DMD: variants seen among roughly 807,000 people sequenced by gnomAD.
DMD encodes dystrophin.
A neutral mutation model predicts 330.1 loss-of-function variants in DMD; 63 were observed. The ratio of observed to expected loss-of-function variants is 0.19; its 90% CI spans 0.16 to 0.24. The LOEUF (loss-of-function observed/expected upper bound fraction) is 0.24, where lower values mean the gene tolerates loss of function less well. Ranked by LOEUF, DMD falls within the 10% of genes least tolerant of loss-of-function variation. The pLI is 1.00. For missense variants in DMD, 3,344 were observed against 2,684.1 expected (o/e 1.25, Z -5.43); for synonymous variants, 1,223 against 959.8 (o/e 1.27, Z -5.07).
rs756053245 is a variant in DMD, at chrX:33,201,888, T to C, written c.31+9394A>G. Among the ~76,000 whole-genome samples the C allele has an allele frequency of 4.4e-5, 5 of 112,396 alleles. No individual in the cohort carries two copies. The South Asian group carries it at 1.8e-3, about 41-fold the overall frequency. ...AGACCACTCTAAGGATGGCTAACTG[T>C]AGATGATTACAAACAAACCAGGGCT... On this transcript the variant is annotated intron_variant, in intron 1 of 78. Transcript: ENST00000357033.
chrX:31,494,155 CA>C (rs753929470), intron 57 of DMD, among the ~76,000 whole-genome samples: 2,524 of 49,788 alleles, frequency 0.051, 25 homozygotes, highest in African/African-American at 0.06. Context: ...GACCCAGTCT[CA>C]AAAAAAAAAA....
intron 43 of DMD, among the ~76,000 whole-genome samples, chrX:32,246,358 G>T (rs936347174): frequency 9.9e-6 from 1 of 100,666 alleles, no homozygotes; most frequent in Admixed American, 1.1e-4. Context: ...TGCTGGATTC[G>T]GTATGCCAGT....
chrX:31,830,147 G>GA (rs1275440848), intron 49 of DMD, among the ~76,000 whole-genome samples: 1 of 112,743 alleles, frequency 8.9e-6, no homozygotes, highest in Admixed American at 9.4e-5. Flanking sequence ...GGGAGGCAAA[G>GA]AAAGTTGATA....
At chrX:31,790,788 G>T (rs760869752) in intron 50 of DMD, among the ~76,000 whole-genome samples, 149 of 111,158 alleles carry the variant, frequency 1.3e-3, no homozygotes, top group African/African-American at 4.8e-3. Context: ...TTTTAACAGT[G>T]CCTGGTTTAC....
intron 16 of DMD, among the ~76,000 whole-genome samples, chrX:32,555,162 C>A (rs1357105283): frequency 1.8e-5 from 2 of 111,154 alleles, no homozygotes; most frequent in Non-Finnish European, 3.8e-5. Context: ...CAAATCAATA[C>A]ATGTGATTCA....
At chrX:31,943,886 A>T (rs1309690456) in intron 45 of DMD, among the ~76,000 whole-genome samples, 2 of 55,435 alleles carry the variant, frequency 3.6e-5, no homozygotes, top group Non-Finnish European at 6.6e-5. Context: ...AGTGAGAGAG[A>T]GAGAGAGAGA....
At position 32,922,946 on chromosome X, in the gene DMD, A is replaced by G. The variant is rs979169512; in HGVS notation, c.94-73126T>C. Among the ~76,000 whole-genome samples, 31 of 112,554 alleles carry G rather than the reference A, an allele frequency of 2.8e-4. 1 individual carries two copies. Among genetic ancestry groups the G allele is most frequent in the Non-Finnish European group, 5.2e-4 (28 of 53,336 alleles). Reference sequence around the variant, plus strand: ...ATTTTAAAAAGTTTTCCCTTATTAAATTACAAAAGTAAAATAGGAGTACTA... The same window carrying G: ...ATTTTAAAAAGTTTTCCCTTATTAAGTTACAAAAGTAAAATAGGAGTACTA... On this transcript the variant is annotated intron_variant, in intron 2 of 78. Coordinates refer to ENST00000357033, the MANE Select transcript of DMD (RefSeq NM_004006.3).
At chrX:32,686,559 C>CAAAAAAAAAAAAAAAAAAAAAAAGAAA (rs2062885055) in intron 9 of DMD, among the ~76,000 whole-genome samples, 1 of 28,585 alleles carries the variant, frequency 3.5e-5, no homozygotes, top group Non-Finnish European at 6.1e-5. Flanking sequence ...AACTCCATCT[C>CAAAAAAAAAAAAAAAAAAAAAAAGAAA]AAAAAAAAAA....
intron 51 of DMD, among the ~76,000 whole-genome samples, chrX:31,744,329 C>T (rs1485454428): frequency 9.0e-6 from 1 of 111,578 alleles, no homozygotes; most frequent in Non-Finnish European, 1.9e-5. Context: ...GTAAAGCGAG[C>T]ACATGCTGTT....
Position 31,121,908 on chromosome X carries a change from G to A in DMD, c.*11C>T. The A allele has an allele frequency of 8.3e-7, 1 of 1,205,740 alleles. No individual in the cohort carries two copies. The highest frequency in any genetic ancestry group is 1.1e-6 in the Non-Finnish European group (1 of 890,334). On this transcript the variant is annotated 3_prime_UTR_variant, in exon 79 of 79. Coordinates refer to ENST00000357033, the MANE Select transcript of DMD (RefSeq NM_004006.3). ...CTCTGCCCAAATCATCTGCCATGTG[G>A]AAAAGACTTCCTACATTGTGTCCTG...
chrX:32,663,377 T>A lies in DMD; in HGVS notation c.961-18225A>T, dbSNP rs745518778. On this transcript the variant is annotated intron_variant, in intron 9 of 78. Coordinates refer to ENST00000357033, the MANE Select transcript of DMD (RefSeq NM_004006.3). ...TTGGTAAACTTATCTTTGTCTAGCC[T>A]ATCTACTGGCAATTGAACAAATAAT... 8.9e-5 allele frequency among the ~76,000 whole-genome samples: 10 copies of A among 112,145 alleles called. No individual in the cohort carries two copies. The South Asian group carries it at 3.7e-3, about 42-fold the overall frequency.
At chrX:31,332,804 C>T (rs7059018) in intron 61 of DMD, among the ~76,000 whole-genome samples, 29,814 of 110,888 alleles carry the variant, frequency 0.27, 2,975 homozygotes, top group East Asian at 0.56. Context: ...GAGCACAGAG[C>T]GCTCGATACT....
At chrX:33,116,266 T>C (rs998247347) in intron 1 of DMD, among the ~76,000 whole-genome samples, 1 of 110,746 alleles carries the variant, frequency 9.0e-6, no homozygotes, top group Non-Finnish European at 1.9e-5. Flanking sequence ...ATCCCAGCAC[T>C]TTGGGAAGCT....
In DMD at chrX:33,009,212, A is replaced by G. The variant is rs1452389742; in HGVS notation, c.93+10927T>C. 6.3e-5 allele frequency among the ~76,000 whole-genome samples: 3 copies of G among 47,435 alleles called. 1 individual carries two copies. The highest frequency in any genetic ancestry group is 2.6e-4 in the African/African-American group (3 of 11,383). 41.2% of individuals were successfully genotyped at this position (47,435 alleles called of 115,157 possible). On this transcript the variant is annotated intron_variant, in intron 2 of 78. Transcript: ENST00000357033. ...TATATGTATATATGTGTATATATAC[A>G]CATATGTGCATATATGTGTATATAT...
intron 7 of DMD, among the ~76,000 whole-genome samples, chrX:32,803,560 T>C (rs1251180630): frequency 2.7e-5 from 3 of 111,819 alleles, no homozygotes; most frequent in East Asian, 2.8e-4. Context: ...AGGATGTCGA[T>C]TATAGATCTT....
intron 9 of DMD, among the ~76,000 whole-genome samples, chrX:32,649,257 TA>T (rs34952198): frequency 9.1e-6 from 1 of 110,087 alleles, no homozygotes; most frequent in East Asian, 2.9e-4. Context: ...CATCGCTCAT[TA>T]AAAAAGGTGG....
chrX:32,813,754 A>G (rs2077533095), intron 6 of DMD, among the ~76,000 whole-genome samples: 1 of 111,536 alleles, frequency 9.0e-6, no homozygotes, highest in Non-Finnish European at 1.9e-5. Flanking sequence ...AGGCGAGAGT[A>G]AGAATGTGTG....
chrX:32,726,187 C>A (rs779607367), intron 7 of DMD, among the ~76,000 whole-genome samples: 2 of 111,117 alleles, frequency 1.8e-5, no homozygotes, highest in Non-Finnish European at 3.8e-5. Context: ...GCGGGGTTAG[C>A]AAATCAACCC....
chrX:31,603,141 T>C (rs1227318611), intron 55 of DMD, among the ~76,000 whole-genome samples: 2 of 110,700 alleles, frequency 1.8e-5, no homozygotes, highest in Non-Finnish European at 3.8e-5. Flanking sequence ...GAAGAAAATA[T>C]GTGGTATAGA....
Sources: gnomAD v4.1 joint callset for allele counts (sites outside exome capture counted in the v4.1 genomes callset) on GRCh38, gnomAD v4.1.1 for gene constraint, MANE v1.5 for transcripts, NCBI Gene and HGNC (gene_info 2026-07-23, HGNC 2026-07-21) for gene names.